The following WSB1 variants were observed in gnomAD, a reference collection of about 807,000 sequenced individuals.
The protein encoded by WSB1 is WD repeat and SOCS box-containing protein 1.
A neutral mutation model predicts 50.2 loss-of-function variants in WSB1; 23 were observed. The ratio of observed to expected loss-of-function variants is 0.46; its 90% CI spans 0.33 to 0.65. WSB1 has a LOEUF of 0.65. Among genes scored for constraint, WSB1 ranks in the 30% least tolerant of loss-of-function variants. WSB1 has a pLI of 0.02. For synonymous variants in WSB1, 179 were observed against 172.0 expected (o/e 1.04, Z -0.32); for missense variants, 492 against 522.3 (o/e 0.94, Z 0.56).
At position 27,306,798 on chromosome 17, in the gene WSB1, A is replaced by G. The variant is rs759711245; in HGVS notation, c.627A>G (p.Val209=). Residue 209 remains valine, a synonymous_variant, in exon 5 of 9, where the codon GTA becomes GTG. Coordinates refer to ENST00000262394, the MANE Select transcript of WSB1 (RefSeq NM_015626.10). Reference sequence around the variant, plus strand: ...TTTGTTCAGGAAACATGATGAAAGTATTGAGGGGGCATCAGAATTGGGTGT... The same window carrying G: ...TTTGTTCAGGAAACATGATGAAAGTGTTGAGGGGGCATCAGAATTGGGTGT... ...DLKDDGNMMK[V]LRGHQNWVYS... is the part of the protein sequence containing the mutation. 2.5e-6 allele frequency: 4 copies of G among 1,614,186 alleles called. No homozygotes were observed. Among genetic ancestry groups the G allele is most frequent in the Admixed American group, 1.7e-5 (1 of 60,016 alleles).
At chr17:27,308,318 G>A in intron 5 of WSB1, 2 of 985,810 alleles carry the variant, frequency 2.0e-6, no homozygotes, top group Non-Finnish European at 2.4e-6. Flanking sequence ...TTAGAATCCT[G>A]TTTAGAGCTA....
chr17:27,300,699 T>G (rs1482076208), intron 1 of WSB1, among the ~76,000 whole-genome samples: 2 of 151,460 alleles, frequency 1.3e-5, no homozygotes, highest in Non-Finnish European at 2.9e-5. Flanking sequence ...TTTTTTTGTT[T>G]TTTTTTTTTT....
In WSB1 at chr17:27,313,668, G is replaced by A. The variant is rs1185700109; in HGVS notation, c.*1299G>A. 1.3e-5 allele frequency: 2 copies of A among 152,084 alleles called. No individual in the cohort carries two copies. Among genetic ancestry groups the A allele is most frequent in the African/African-American group, 4.8e-5 (2 of 41,364 alleles). The allele number at this position is 152,084 out of a possible 1,614,324, so 9.4% of individuals were successfully genotyped here. A position where few individuals can be genotyped will look rare whatever the true frequency, so the allele number is the denominator to read the frequency against. On this transcript the variant is annotated 3_prime_UTR_variant, in exon 9 of 9. Transcript: ENST00000262394. ...AAATGTTTCTTAAATAGGTTAGGTG[G>A]AGTACTTTCTCTCTGTCTCCATTGT...
intron 1 of WSB1, among the ~76,000 whole-genome samples, chr17:27,294,968 T>C (rs900620498): frequency 6.6e-6 from 1 of 152,170 alleles, no homozygotes; most frequent in African/African-American, 2.4e-5. Flanking sequence ...GAGGAGACTT[T>C]TAGAATTATC....
chr17:27,310,111 G>A lies in WSB1; in HGVS notation c.935G>A (p.Arg312Gln), dbSNP rs540356879. 4.7e-5 allele frequency: 76 copies of A among 1,614,092 alleles called. 1 individual carries two copies. The highest frequency in any genetic ancestry group is 3.8e-4 in the South Asian group (35 of 91,080). ...ATATTTGCTGGAGGAGCAAATGACC[G>A]GTGGGTACGATCTGTATCTTTTAGC... is the stretch of plus-strand genomic sequence containing the variant. Reference protein sequence around the residue: ...TPIFAGGANDRWVRSVSFSHD... With the variant: ...TPIFAGGANDQWVRSVSFSHD... The change falls in exon 7 of 9, where the codon CGG becomes CAG. Residue 312 changes from arginine to glutamine, a missense_variant. Transcript: ENST00000262394.
chr17:27,307,421 A>T (rs1316645135), intron 5 of WSB1: 12 of 384,512 alleles, frequency 3.1e-5, no homozygotes, highest in Non-Finnish European at 5.6e-5. Context: ...GGTTATGCTT[A>T]TTGATGAACT....
intron 2 of WSB1, chr17:27,302,495 AGT>A (rs201480249): frequency 8.5e-6 from 1 of 117,014 alleles, no homozygotes; most frequent in East Asian, 2.1e-4. Flanking sequence ...GTGTCTAACA[AGT>A]GTATATATAT....
At chr17:27,301,202 G>T (rs896140968) in intron 1 of WSB1, among the ~76,000 whole-genome samples, 1 of 152,140 alleles carries the variant, frequency 6.6e-6, no homozygotes, top group African/African-American at 2.4e-5. Context: ...CACTGGTTTG[G>T]AGGGTTGGAC....
intron 4 of WSB1, among the ~76,000 whole-genome samples, chr17:27,305,416 C>T (rs1406227767): frequency 1.3e-4 from 20 of 152,252 alleles, no homozygotes; most frequent in Non-Finnish European, 2.9e-5. Context: ...GAAAGATTTA[C>T]TGTCCAATAC....
rs1454305221 is a variant in WSB1 at position 27,313,591 on chromosome 17, TTTG to T, written c.*1226_*1228del. On this transcript the variant is annotated 3_prime_UTR_variant, in exon 9 of 9. Coordinates refer to ENST00000262394, the MANE Select transcript of WSB1 (RefSeq NM_015626.10). ...TATGTAAAATGCTCAATTATATATTTTTGTTGAGTTTTTTAATTAAAGACTTGT... is the reference window on the plus strand; with the variant it reads ...TATGTAAAATGCTCAATTATATATTTTTGAGTTTTTTAATTAAAGACTTGT... The T allele has an allele frequency of 6.6e-6, 1 of 152,162 alleles. No homozygotes were observed. The highest frequency in any genetic ancestry group is 1.5e-5 in the Non-Finnish European group (1 of 68,018). The allele number at this position is 152,162 out of a possible 1,614,324, so 9.4% of individuals were successfully genotyped here.
intron 5 of WSB1, chr17:27,308,368 G>A: frequency 1.0e-6 from 1 of 985,226 alleles, no homozygotes; most frequent in Non-Finnish European, 1.2e-6. Context: ...ATCTAAAATT[G>A]TATATGAACT....
At chr17:27,296,621 C>T (rs1421286318) in intron 1 of WSB1, among the ~76,000 whole-genome samples, 1 of 152,186 alleles carries the variant, frequency 6.6e-6, no homozygotes, top group Non-Finnish European at 1.5e-5. Flanking sequence ...CAGATCATCC[C>T]TTTCTGGTTA....
Position 27,315,905 on chromosome 17 carries a change from C to T in WSB1, c.*3536C>T, listed in dbSNP as rs559081700. The T allele has an allele frequency of 2.0e-5, 3 of 152,160 alleles. No homozygotes were observed. The highest frequency in any genetic ancestry group is 4.4e-5 in the Non-Finnish European group (3 of 68,038). The allele number at this position is 152,160 out of a possible 1,614,324, so 9.4% of individuals were successfully genotyped here. On this transcript the variant is annotated 3_prime_UTR_variant, in exon 9 of 9. Transcript: ENST00000262394. ...CAGAAGTAAGAGCTGTTGGCAGCAA[C>T]TAATAAAATGCAACCTAGTGACATG...
chr17:27,307,938 T>C, intron 5 of WSB1: 2 of 1,249,064 alleles, frequency 1.6e-6, no homozygotes, highest in Non-Finnish European at 2.0e-6. Flanking sequence ...CGATGTCCAC[T>C]TTCTGCTTTT....
Position 27,313,409 on chromosome 17 carries a change from A to G in WSB1, c.*1040A>G, listed in dbSNP as rs988938948. ...TATTGCTAAATATTTTGTTTATACTAAGGGACAATTATTTTAAGACCATGG... is the reference window on the plus strand; with the variant it reads ...TATTGCTAAATATTTTGTTTATACTGAGGGACAATTATTTTAAGACCATGG... On this transcript the variant is annotated 3_prime_UTR_variant, in exon 9 of 9. Coordinates refer to ENST00000262394, the MANE Select transcript of WSB1 (RefSeq NM_015626.10). The G allele has an allele frequency of 3.9e-5, 6 of 152,238 alleles. No individual in the cohort carries two copies. The highest frequency in any genetic ancestry group is 9.7e-5 in the African/African-American group (4 of 41,354). 9.4% of individuals were successfully genotyped at this position (152,238 alleles called of 1,614,324 possible). A position where few individuals can be genotyped will look rare whatever the true frequency, so the allele number is the denominator to read the frequency against.
At chr17:27,303,783 C>T (rs938407835) in intron 3 of WSB1, 148 bp downstream of exon 3, 47 of 918,590 alleles carry the variant, frequency 5.1e-5, no homozygotes, top group Non-Finnish European at 7.1e-5. Flanking sequence ...ACCTGAATGT[C>T]ACCTTCTTCA....
At chr17:27,307,377 C>T (rs757533460) in intron 5 of WSB1, 14 of 290,664 alleles carry the variant, frequency 4.8e-5, no homozygotes, top group Non-Finnish European at 8.4e-5. Context: ...CATAGCATAC[C>T]TATAGACAGC....
intron 8 of WSB1, 108 bp from the exon 9 acceptor site, chr17:27,312,102 A>G: frequency 7.0e-7 from 1 of 1,433,928 alleles, no homozygotes; most frequent in Non-Finnish European, 9.3e-7. Context: ...TTTAATGTGA[A>G]GTTTGTGACT....
intron 5 of WSB1, 156 bp from the exon 6 acceptor site, chr17:27,308,944 T>A (rs2017561202): frequency 8.0e-7 from 1 of 1,245,012 alleles, no homozygotes; most frequent in Non-Finnish European, 1.0e-6. Flanking sequence ...AAGACTGATT[T>A]TAATCTGACT....
Sources: allele counts gnomAD v4.1 joint callset (sites outside exome capture counted in the v4.1 genomes callset), GRCh38; gene constraint gnomAD v4.1.1; transcripts MANE v1.5; gene names NCBI Gene and HGNC (gene_info 2026-07-23, HGNC 2026-07-21).